The following UTS2 variants were observed in gnomAD, a reference collection of about 807,000 sequenced individuals.
UTS2 encodes urotensin 2, also known as urotensin-2.
A neutral mutation model predicts 12.6 loss-of-function variants in UTS2; 10 were observed. That is an observed-to-expected ratio of 0.80 (90% CI 0.49 to 1.35). UTS2 has a LOEUF of 1.35. UTS2 is among the 40% of genes most tolerant of loss of function. The pLI, the probability that UTS2 is intolerant of heterozygous loss-of-function variation, is 0.00. For synonymous variants in UTS2, 52 were observed against 50.0 expected (o/e 1.04, Z -0.17); for missense variants, 142 against 143.2 (o/e 0.99, Z 0.04).
chr1:7,851,813 G>A (rs1019700219), intron 1 of UTS2, among the ~76,000 whole-genome samples: 5 of 152,198 alleles, frequency 3.3e-5, no homozygotes, highest in Non-Finnish European at 4.4e-5. Context: ...CAAATTCTGC[G>A]ATAAGCTGCC....
the UTS2 span, among the ~76,000 whole-genome samples, chr1:7,870,226 G>T: frequency 6.6e-6 from 1 of 152,132 alleles, no homozygotes; most frequent in Admixed American, 6.5e-5. Context: ...AGTAGGCCCT[G>T]GTCCATTAGG....
chr1:7,896,245 G>T, the UTS2 span, among the ~76,000 whole-genome samples: 4 of 151,578 alleles, frequency 2.6e-5, no homozygotes, highest in Non-Finnish European at 5.9e-5. Flanking sequence ...AGTGGGGAAG[G>T]GATGTTTATC....
chr1:7,877,864 C>T, the UTS2 span, among the ~76,000 whole-genome samples: 1 of 141,658 alleles, frequency 7.1e-6, no homozygotes, highest in Non-Finnish European at 1.5e-5. Context: ...CAGAGCAAGA[C>T]TCTGTCTTAA....
At chr1:7,876,981 T>C in the UTS2 span, among the ~76,000 whole-genome samples, 29 of 151,628 alleles carry the variant, frequency 1.9e-4, no homozygotes, top group African/African-American at 6.5e-4. Flanking sequence ...AATACAAAAA[T>C]CAGCCAGGCA....
the UTS2 span, among the ~76,000 whole-genome samples, chr1:7,863,103 GTATTGTATTGTATTGTATTGTATT>G: frequency 7.5e-6 from 1 of 132,982 alleles, no homozygotes; most frequent in African/African-American, 3.1e-5. Context: ...GTATTGTATT[GTATTGTATTGTATTGTATTGTATT>G]TGAGACGAAG....
chr1:7,876,768 C>A, the UTS2 span, among the ~76,000 whole-genome samples: 4 of 152,046 alleles, frequency 2.6e-5, no homozygotes, highest in East Asian at 7.7e-4. Flanking sequence ...GAAAAAAAGT[C>A]TTTTTCTGTG....
At chr1:7,913,195 GCCTAGT>G in the UTS2 span, among the ~76,000 whole-genome samples, 1 of 151,602 alleles carries the variant, frequency 6.6e-6, no homozygotes, top group Non-Finnish European at 1.5e-5. Context: ...GGAGTTTTCG[GCCTAGT>G]CCTGCCCATG....
Position 7,850,917 on chromosome 1 carries a change from GA to G in UTS2, c.108del (p.His37MetfsTer6). 6.2e-7 allele frequency: 1 copy of G among 1,614,120 alleles called. No individual in the cohort carries two copies. The highest frequency in any genetic ancestry group is 8.5e-7 in the Non-Finnish European group (1 of 1,180,010). ...SREISFQLSAPHEDARLTPEE... is the reference protein window; with the variant it reads ...SREISFQLSAXHEDARLTPEE... ...TCCGGAGTTAAGCGCGCGTCTTCATGAGGTGCTACAGAGTAAAAACAGATAC... is the reference window on the plus strand; with the variant it reads ...TCCGGAGTTAAGCGCGCGTCTTCATGGGTGCTACAGAGTAAAAACAGATAC... On this transcript the variant is annotated frameshift_variant, in exon 2 of 4. Coordinates refer to ENST00000361696, the MANE Select transcript of UTS2 (RefSeq NM_006786.4). LOFTEE classifies it high-confidence loss of function.
chr1:7,903,995 G>A, the UTS2 span, among the ~76,000 whole-genome samples: 1 of 152,188 alleles, frequency 6.6e-6, no homozygotes, highest in Admixed American at 6.5e-5. Context: ...GGCGAAAGAA[G>A]TTTGTTGCCC....
the UTS2 span, among the ~76,000 whole-genome samples, chr1:7,876,426 C>T: frequency 6.6e-6 from 1 of 152,208 alleles, no homozygotes; most frequent in Admixed American, 6.5e-5. Flanking sequence ...CTGGTGCCAG[C>T]ATGTGCTGCA....
At chr1:7,885,702 C>T in the UTS2 span, among the ~76,000 whole-genome samples, 5 of 151,560 alleles carry the variant, frequency 3.3e-5, no homozygotes, top group African/African-American at 9.7e-5. Context: ...AGGGGCGGGG[C>T]CAAGGAGTGG....
the UTS2 span, among the ~76,000 whole-genome samples, chr1:7,908,430 C>T: frequency 9.1e-5 from 13 of 142,752 alleles, no homozygotes; most frequent in East Asian, 4.0e-4. Flanking sequence ...TGCATCGCTC[C>T]GGCCTGGGCG....
the UTS2 span, among the ~76,000 whole-genome samples, chr1:7,909,563 GA>G: frequency 1.5e-4 from 20 of 135,556 alleles, no homozygotes; most frequent in African/African-American, 4.1e-4. Flanking sequence ...AAAAAAAAAA[GA>G]AAAAAAAATT....
the UTS2 span, among the ~76,000 whole-genome samples, chr1:7,860,073 TC>T: frequency 2.0e-5 from 3 of 152,150 alleles, no homozygotes; most frequent in African/African-American, 7.2e-5. Flanking sequence ...GTAATGTTAT[TC>T]TCTCACTCAT....
the UTS2 span, among the ~76,000 whole-genome samples, chr1:7,890,923 C>A: frequency 2.6e-5 from 4 of 151,338 alleles, no homozygotes; most frequent in South Asian, 8.3e-4. Flanking sequence ...CCCACAAAGA[C>A]TCACATACAT....
the UTS2 span, among the ~76,000 whole-genome samples, chr1:7,906,080 G>A: frequency 2.6e-5 from 4 of 152,118 alleles, no homozygotes; most frequent in African/African-American, 9.7e-5. Context: ...TTGCCTTTCA[G>A]TCTTGAGGCT....
the UTS2 span, among the ~76,000 whole-genome samples, chr1:7,877,201 T>G: frequency 6.7e-6 from 1 of 149,070 alleles, no homozygotes; most frequent in Admixed American, 6.7e-5. Flanking sequence ...AACATGACAC[T>G]TCTACTTCCA....
chr1:7,884,845 C>A, the UTS2 span, among the ~76,000 whole-genome samples: 25 of 152,006 alleles, frequency 1.6e-4, no homozygotes, highest in South Asian at 6.3e-4. Context: ...ATCATACACC[C>A]ACCATCTATC....
intron 3 of UTS2, 61 bp from the exon 4 acceptor site, chr1:7,847,943 C>T (rs1043851185): frequency 1.7e-5 from 20 of 1,198,054 alleles, no homozygotes; most frequent in East Asian, 4.7e-5. Flanking sequence ...CAACGAGTGA[C>T]GATTCCTATA....
Sources: allele counts gnomAD v4.1 joint callset (sites outside exome capture counted in the v4.1 genomes callset), GRCh38; gene constraint gnomAD v4.1.1; transcripts MANE v1.5; gene names NCBI Gene and HGNC (gene_info 2026-07-23, HGNC 2026-07-21).